STAG1: variants seen among roughly 807,000 people sequenced by gnomAD.
STAG1 encodes the protein STAG1 cohesin complex component.
Under a neutral mutation model 170.9 loss-of-function variants are expected in STAG1, and 26 were observed. That is an observed-to-expected ratio of 0.15 (90% CI 0.11 to 0.21). STAG1 has a LOEUF of 0.21. STAG1 is among the 10% of genes least tolerant of loss of function. STAG1 has a pLI of 1.00. For missense variants in STAG1, 964 were observed against 1,509.5 expected, an observed-to-expected ratio of 0.64 and a Z score of 5.99; for synonymous variants, 514 against 497.7, an observed-to-expected ratio of 1.03 and a Z score of -0.44.
At chr3:136,551,763 T>G (rs920152075) in intron 5 of STAG1, among the ~76,000 whole-genome samples, 12 of 152,030 alleles carry the variant, frequency 7.9e-5, no homozygotes, top group South Asian at 6.2e-4. Flanking sequence ...ACCTGGCTAA[T>G]TTTTCTATTT....
intron 1 of STAG1, among the ~76,000 whole-genome samples, chr3:136,729,562 T>C (rs1049931929): frequency 4.1e-5 from 6 of 145,352 alleles, no homozygotes; most frequent in Non-Finnish European, 5.9e-5. Flanking sequence ...ACAACATCTG[T>C]AGTTTTCCTT....
chr3:136,354,754 C>CAAAAAAAAAAA lies in STAG1; in HGVS notation c.3065+2955_3065+2965dup. ...AAGAAGGCAGTAAAGGAGAAAGAAC[C>CAAAAAAAAAAA]AAAAAAAAAAAAAACCAAAAAACAA... On this transcript the variant is annotated intron_variant, in intron 28 of 33. Transcript: ENST00000383202. Among the ~76,000 whole-genome samples the CAAAAAAAAAAA allele has an allele frequency of 9.2e-4, 6 of 6,516 alleles. 2 individuals are homozygous for CAAAAAAAAAAA. The highest frequency in any genetic ancestry group is 1.2e-3 in the Non-Finnish European group (5 of 4,090). 4.3% of individuals were successfully genotyped at this position (6,516 alleles called of 152,430 possible).
At chr3:136,404,275 G>C (rs1179700889) in intron 21 of STAG1, among the ~76,000 whole-genome samples, 1 of 152,142 alleles carries the variant, frequency 6.6e-6, no homozygotes, top group African/African-American at 2.4e-5. Flanking sequence ...GTCATTATTA[G>C]TCTGATGACT....
At chr3:136,736,935 T>C in intron 1 of STAG1, 2 of 1,593,296 alleles carry the variant, frequency 1.3e-6, no homozygotes, top group Non-Finnish European at 1.7e-6. Flanking sequence ...ACTTGTAAGC[T>C]TTGTCCACAG....
chr3:136,426,098 T>C (rs998428788), intron 16 of STAG1, among the ~76,000 whole-genome samples: 4 of 151,562 alleles, frequency 2.6e-5, no homozygotes, highest in Non-Finnish European at 2.9e-5. Context: ...TTTTGGAGAT[T>C]TGCAACAATT....
chr3:136,583,615 C>G (rs1937655230), intron 4 of STAG1, among the ~76,000 whole-genome samples: 2 of 151,964 alleles, frequency 1.3e-5, no homozygotes, highest in African/African-American at 2.4e-5. Flanking sequence ...GTGGTGAAAC[C>G]CTGTCTCTAC....
intron 7 of STAG1, among the ~76,000 whole-genome samples, chr3:136,516,271 G>A (rs768914883): frequency 3.3e-5 from 5 of 151,970 alleles, no homozygotes; most frequent in Non-Finnish European, 7.4e-5. Context: ...CACTTTTAGA[G>A]GCCATGGTAT....
intron 9 of STAG1, among the ~76,000 whole-genome samples, chr3:136,484,336 C>T (rs1043033551): frequency 2.4e-3 from 352 of 148,736 alleles, no homozygotes; most frequent in Admixed American, 3.3e-3. Context: ...AATACCCTGC[C>T]GTGTGAGGTG....
chr3:136,710,135 T>G (rs559705274), intron 1 of STAG1, among the ~76,000 whole-genome samples: 189 of 152,290 alleles, frequency 1.2e-3, no homozygotes, highest in African/African-American at 3.8e-3. Context: ...ACAGCATTTT[T>G]GGGGGGCTAC....
chr3:136,438,590 T>A (rs1559801529), intron 15 of STAG1, among the ~76,000 whole-genome samples: 1 of 152,106 alleles, frequency 6.6e-6, no homozygotes, highest in Non-Finnish European at 1.5e-5. Context: ...CAGGATTCAG[T>A]CTAAAGATAG....
intron 1 of STAG1, among the ~76,000 whole-genome samples, chr3:136,739,305 C>G (rs753271204): frequency 2.6e-5 from 4 of 151,672 alleles, no homozygotes; most frequent in Non-Finnish European, 5.9e-5. Flanking sequence ...ACTGTTGAGC[C>G]CAGGAGTTCA....
chr3:136,550,696 T>G (rs575035969), intron 5 of STAG1, among the ~76,000 whole-genome samples: 9 of 152,332 alleles, frequency 5.9e-5, no homozygotes, highest in African/African-American at 2.2e-4. Flanking sequence ...AATTTATTGG[T>G]GTAGAGTCGT....
chr3:136,500,496 ACTGT>A (rs915895585), intron 8 of STAG1, among the ~76,000 whole-genome samples, 200 bp from the exon 9 acceptor site: 1 of 152,132 alleles, frequency 6.6e-6, no homozygotes, highest in African/African-American at 2.4e-5. Context: ...AGAACTTTTC[ACTGT>A]CTCTCTCTAG....
intron 1 of STAG1, among the ~76,000 whole-genome samples, chr3:136,691,998 A>T (rs964049458): frequency 2.6e-5 from 4 of 152,198 alleles, no homozygotes; most frequent in East Asian, 1.9e-4. Flanking sequence ...TTGAACAACA[A>T]GGATAATGAA....
chr3:136,662,924 G>A (rs569379426), intron 1 of STAG1, among the ~76,000 whole-genome samples: 33 of 152,150 alleles, frequency 2.2e-4, no homozygotes, highest in African/African-American at 7.2e-4. Context: ...GGTGGCAGGC[G>A]CCTGTAATCC....
At chr3:136,420,244 CAAAAAAAAAAA>C (rs71157379) in intron 20 of STAG1, among the ~76,000 whole-genome samples, 14 of 36,946 alleles carry the variant, frequency 3.8e-4, no homozygotes, top group African/African-American at 1.1e-3. Flanking sequence ...GAGACTCTGT[CAAAAAAAAAAA>C]AAAAAAAAAA....
intron 5 of STAG1, among the ~76,000 whole-genome samples, chr3:136,544,111 T>C (rs1282183183): frequency 6.6e-6 from 1 of 152,170 alleles, no homozygotes; most frequent in Non-Finnish European, 1.5e-5. Flanking sequence ...AGAGTAGACA[T>C]ATCAGGTCCA....
chr3:136,535,819 C>G (rs769357539), intron 6 of STAG1, among the ~76,000 whole-genome samples: 35 of 152,098 alleles, frequency 2.3e-4, no homozygotes, highest in Non-Finnish European at 4.3e-4. Context: ...TTCACATGTA[C>G]CCCATAAAAA....
intron 4 of STAG1, among the ~76,000 whole-genome samples, chr3:136,575,994 T>A (rs1482442546): frequency 2.6e-5 from 4 of 152,192 alleles, no homozygotes; most frequent in Non-Finnish European, 5.9e-5. Flanking sequence ...CTCTGCCTAC[T>A]AATATTTATA....
Sources: gnomAD v4.1 joint callset for allele counts (sites outside exome capture counted in the v4.1 genomes callset) on GRCh38, gnomAD v4.1.1 for gene constraint, MANE v1.5 for transcripts, NCBI Gene and HGNC (gene_info 2026-07-23, HGNC 2026-07-21) for gene names.